PTPRB: variants seen among roughly 807,000 people sequenced by gnomAD.
PTPRB encodes the protein receptor-type tyrosine-protein phosphatase beta.
PTPRB carries 97 observed loss-of-function variants against 238.1 expected under a neutral mutation model. The observed-to-expected ratio is 0.41, with a 90% CI of 0.35 to 0.48. The LOEUF (loss-of-function observed/expected upper bound fraction) is 0.48, where lower values mean the gene tolerates loss of function less well. Ranked by LOEUF, PTPRB falls within the 20% of genes least tolerant of loss-of-function variation. The probability of loss-of-function intolerance (pLI) is 0.30; values close to 1 mark genes in which losing one functional copy is unlikely to be tolerated. For synonymous variants in PTPRB, 970 were observed against 995.4 expected, an observed-to-expected ratio of 0.97 and a Z score of 0.48; for missense variants, 2,292 against 2,681.9, an observed-to-expected ratio of 0.85 and a Z score of 3.21.
At chr12:70,571,677 G>A in intron 12 of PTPRB, 147 bp downstream of exon 12, 2 of 903,774 alleles carry the variant, frequency 2.2e-6, no homozygotes, top group Non-Finnish European at 3.3e-6. Flanking sequence ...TATAGGCCAT[G>A]GCTTGGCTGA....
chr12:70,612,141 T>G (rs1324619593), intron 3 of PTPRB, among the ~76,000 whole-genome samples: 1 of 152,232 alleles, frequency 6.6e-6, no homozygotes, highest in African/African-American at 2.4e-5. Flanking sequence ...AAACTACCTT[T>G]GCAAACTTTA....
intron 32 of PTPRB, among the ~76,000 whole-genome samples, chr12:70,525,736 G>C (rs1173940109): frequency 6.6e-6 from 1 of 152,116 alleles, no homozygotes; most frequent in Non-Finnish European, 1.5e-5. Context: ...ACCTTCCCTT[G>C]CTGATAACTT....
At chr12:70,614,757 G>A (rs1382361689) in intron 3 of PTPRB, among the ~76,000 whole-genome samples, 1 of 152,142 alleles carries the variant, frequency 6.6e-6, no homozygotes, top group Admixed American at 6.6e-5. Flanking sequence ...CTACAAGATG[G>A]CAAATCCTTT....
chr12:70,633,910 C>T (rs1177241281), intron 2 of PTPRB, among the ~76,000 whole-genome samples: 1 of 151,932 alleles, frequency 6.6e-6, no homozygotes, highest in Non-Finnish European at 1.5e-5. Flanking sequence ...AATCTCACTT[C>T]TTGTGTAAAA....
At chr12:70,626,294 TCCA>T (rs1326405527) in intron 2 of PTPRB, among the ~76,000 whole-genome samples, 2 of 79,282 alleles carry the variant, frequency 2.5e-5, no homozygotes, top group African/African-American at 1.2e-4. Context: ...TGTCTATCCA[TCCA>T]TCTATCTATC....
At chr12:70,523,060 G>A (rs1049370629) in intron 33 of PTPRB, among the ~76,000 whole-genome samples, 11 of 151,024 alleles carry the variant, frequency 7.3e-5, no homozygotes, top group East Asian at 2.0e-4. Flanking sequence ...ATGGGGTTTC[G>A]TCATGTTGGC....
chr12:70,535,375 T>C (rs1873968315), intron 29 of PTPRB, among the ~76,000 whole-genome samples: 1 of 152,036 alleles, frequency 6.6e-6, no homozygotes, highest in Admixed American at 6.6e-5. Context: ...TTCGTTCATA[T>C]TTTTATGTCA....
intron 17 of PTPRB, among the ~76,000 whole-genome samples, chr12:70,559,921 C>T (rs1421157735): frequency 2.7e-5 from 4 of 150,766 alleles, no homozygotes; most frequent in African/African-American, 4.9e-5. Flanking sequence ...CTGCAACCTC[C>T]GCTTCCCAGG....
Position 70,592,505 on chromosome 12 carries a change from G to A in PTPRB, c.1557C>T (p.Gly519=), listed in dbSNP as rs1201603087. 2 of 1,613,800 alleles carry A rather than the reference G, an allele frequency of 1.2e-6. No homozygotes were observed. The highest frequency in any genetic ancestry group is 1.7e-6 in the Non-Finnish European group (2 of 1,179,808). ...ATTTGACTTTTAGAGAGGTCAAACT[G>A]CCATCATTTGTCACCTTCAGATTTG... ...EVSNLKVTND[G]SLTSLKVKWQ... is the part of the protein sequence containing the mutation. Residue 519 remains glycine, a synonymous_variant, in exon 7 of 34, where the codon GGC becomes GGT. Coordinates refer to ENST00000334414, the MANE Select transcript of PTPRB (RefSeq NM_001109754.4).
In PTPRB at chr12:70,518,780, A is replaced by C. The variant is rs1180744061; in HGVS notation, c.*2709T>G. 6.6e-6 allele frequency: 1 copy of C among 152,182 alleles called. No individual in the cohort carries two copies. The highest frequency in any genetic ancestry group is 1.5e-5 in the Non-Finnish European group (1 of 68,026). 9.4% of individuals were successfully genotyped at this position (152,182 alleles called of 1,614,324 possible). ...GAGGTTAAAGGAGTTAATTATAACG[A>C]ACTTGGAAAAATAATTATTAAGATG... On this transcript the variant is annotated 3_prime_UTR_variant, in exon 34 of 34. Transcript: ENST00000334414.
chr12:70,559,685 A>C (rs1878209952), intron 17 of PTPRB, 61 bp from the exon 18 acceptor site: 3 of 1,451,864 alleles, frequency 2.1e-6, no homozygotes, highest in Admixed American at 1.9e-5. Flanking sequence ...ATATACAAAT[A>C]AGATAGCTGA....
intron 9 of PTPRB, among the ~76,000 whole-genome samples, chr12:70,586,128 A>G (rs1268348632): frequency 3.9e-5 from 6 of 152,170 alleles, no homozygotes; most frequent in Non-Finnish European, 8.8e-5. Context: ...GTGTCTTTAT[A>G]GCAGCATGAT....
chr12:70,552,638 A>G, intron 21 of PTPRB, 139 bp downstream of exon 21: 3 of 1,131,286 alleles, frequency 2.7e-6, no homozygotes, highest in Non-Finnish European at 3.7e-6. Flanking sequence ...ACGTTTATAA[A>G]TTACCCAGTA....
intron 11 of PTPRB, among the ~76,000 whole-genome samples, chr12:70,573,164 A>C (rs1880285745): frequency 6.6e-6 from 1 of 152,234 alleles, no homozygotes; most frequent in Admixed American, 6.5e-5. Flanking sequence ...CTAAGTCCCT[A>C]AGATATTAAA....
chr12:70,632,873 A>G (rs529556507), intron 2 of PTPRB, among the ~76,000 whole-genome samples: 1 of 152,344 alleles, frequency 6.6e-6, no homozygotes, highest in South Asian at 2.1e-4. Context: ...TCTAATATGC[A>G]GCTTGGGTCA....
chr12:70,559,617 A>T lies in PTPRB; in HGVS notation c.4440T>A (p.Ser1480Arg). 2 of 1,607,802 alleles carry T rather than the reference A, an allele frequency of 1.2e-6. No individual in the cohort carries two copies. The highest frequency in any genetic ancestry group is 1.7e-6 in the Non-Finnish European group (2 of 1,174,374). Residue 1480 changes from serine (S) to arginine (R), a missense_variant, in exon 18 of 34, where the codon AGT becomes AGA. Transcript: ENST00000334414. Reference protein sequence around the residue: ...KVTAESRTAPSPPSLMSFADI... With the variant: ...KVTAESRTAPRPPSLMSFADI... ...CAGCAAATGACATAAGACTGGGAGG[A>T]CTTGGAGCTGAATGTAGGAGAAAGT... is the stretch of plus-strand genomic sequence containing the variant.
chr12:70,535,061 A>C, intron 29 of PTPRB, 106 bp from the exon 30 acceptor site: 1 of 1,293,680 alleles, frequency 7.7e-7, no homozygotes, highest in Non-Finnish European at 1.1e-6. Context: ...ATCTGGGATC[A>C]GCTGCTAAAG....
At chr12:70,588,908 G>A (rs1384661110) in intron 8 of PTPRB, among the ~76,000 whole-genome samples, 2 of 151,960 alleles carry the variant, frequency 1.3e-5, no homozygotes, top group Admixed American at 6.6e-5. Context: ...AGCCGAGATT[G>A]TACCACTGCA....
In PTPRB at chr12:70,516,772, A is replaced by C; in HGVS notation, c.*4717T>G. The C allele has an allele frequency of 6.6e-6, 1 of 152,232 alleles. No homozygotes were observed. 9.4% of individuals were successfully genotyped at this position (152,232 alleles called of 1,614,324 possible). A position where few individuals can be genotyped will look rare whatever the true frequency, so the allele number is the denominator to read the frequency against. On this transcript the variant is annotated 3_prime_UTR_variant, in exon 34 of 34. Transcript: ENST00000334414. ...TTATTTTGGTGTCTTATATAAGATC[A>C]TGTGAATTGGCATAGAGGTTATAAA...
Sources: allele counts gnomAD v4.1 joint callset (sites outside exome capture counted in the v4.1 genomes callset), GRCh38; gene constraint gnomAD v4.1.1; transcripts MANE v1.5; gene names NCBI Gene and HGNC (gene_info 2026-07-23, HGNC 2026-07-21).